Variants in COQ7 observed in about 807,000 individuals in gnomAD.
COQ7 encodes the protein coenzyme Q7, hydroxylase.
Under a neutral mutation model 25.0 loss-of-function variants are expected in COQ7, and 21 were observed. That is an observed-to-expected ratio of 0.84 (90% CI 0.60 to 1.21). COQ7 has a LOEUF of 1.21. Among genes scored for constraint, COQ7 ranks in the 50% most tolerant of loss-of-function variants. The pLI is 0.00. For synonymous variants in COQ7, 125 were observed against 112.4 expected, an observed-to-expected ratio of 1.11 and a Z score of -0.71; for missense variants, 311 against 296.2, an observed-to-expected ratio of 1.05 and a Z score of -0.37.
rs200312733 is a variant in COQ7 at position 19,075,710 on chromosome 16, A to G, written c.368-11A>G. The G allele has an allele frequency of 6.4e-7, 1 of 1,555,886 alleles. No homozygotes were observed. Among genetic ancestry groups the G allele is most frequent in the African/African-American group, 1.4e-5 (1 of 72,872 alleles). Reference sequence around the variant, plus strand: ...TCTCTTACTTTTCTGGTCTGGGTTTAACAATCCCAGGGGCGGGGACCGCCT... The same window carrying G: ...TCTCTTACTTTTCTGGTCTGGGTTTGACAATCCCAGGGGCGGGGACCGCCT... On this transcript the variant is annotated splice_polypyrimidine_tract_variant and intron_variant, in intron 3 of 5. Coordinates refer to ENST00000321998, the MANE Select transcript of COQ7 (RefSeq NM_016138.5).
chr16:19,071,725 C>CT, intron 1 of COQ7: 1 of 595,808 alleles, frequency 1.7e-6, no homozygotes, highest in South Asian at 2.0e-5. Flanking sequence ...TCTTCATACA[C>CT]TTAAAGTGAA....
chr16:19,075,866 T>C lies in COQ7; in HGVS notation c.507+6T>C. 1 of 1,614,146 alleles carries C rather than the reference T, an allele frequency of 6.2e-7. No homozygotes were observed. The highest frequency in any genetic ancestry group is 8.5e-7 in the Non-Finnish European group (1 of 1,179,998). The stretch of plus-strand genomic sequence containing the variant: ...AATACGAGGAACTTCTTCAGGTATT[T>C]ATCCGTGCTCTAGAACGGGGCTGCT... On this transcript the variant is annotated splice_donor_region_variant and intron_variant, in intron 4 of 5. Coordinates refer to ENST00000321998, the MANE Select transcript of COQ7 (RefSeq NM_016138.5).
At chr16:19,069,336 T>G (rs7192898) in intron 1 of COQ7, among the ~76,000 whole-genome samples, 84,258 of 151,514 alleles carry the variant, frequency 0.56, 25,144 homozygotes, top group East Asian at 0.81. Context: ...TATCTTATTT[T>G]ATCCTCATAA....
intron 1 of COQ7, chr16:19,071,722 A>C: frequency 1.7e-6 from 1 of 584,592 alleles, no homozygotes; most frequent in Non-Finnish European, 3.0e-6. Context: ...AGATCTTCAT[A>C]CACTTAAAGT....
intron 2 of COQ7, among the ~76,000 whole-genome samples, chr16:19,072,584 G>GT (rs1419013544): frequency 6.6e-6 from 1 of 151,820 alleles, no homozygotes; most frequent in Non-Finnish European, 1.5e-5. Context: ...TTCCATTTCC[G>GT]TATCTGCAAA....
chr16:19,081,926 G>C (rs1963106507), downstream of COQ7, among the ~76,000 whole-genome samples: 1 of 152,062 alleles, frequency 6.6e-6, no homozygotes, highest in Admixed American at 6.6e-5. Flanking sequence ...TAGAAATCTG[G>C]ATCTGGATCA....
At chr16:19,072,913 G>A (rs1046190364) in intron 2 of COQ7, among the ~76,000 whole-genome samples, 7 of 152,288 alleles carry the variant, frequency 4.6e-5, no homozygotes, top group South Asian at 2.1e-4. Flanking sequence ...GCTCACGCCT[G>A]TAATCCCAGC....
chr16:19,072,697 A>C (rs367685879), intron 2 of COQ7, among the ~76,000 whole-genome samples: 2 of 152,330 alleles, frequency 1.3e-5, no homozygotes, highest in East Asian at 3.9e-4. Context: ...TGGGCAAGCT[A>C]CTTAGCCTCT....
chr16:19,071,978 G>C lies in COQ7; in HGVS notation c.124G>C (p.Asp42His), dbSNP rs138730205. ...ATTTCGCAGTTCAGGAATGACTTTA[G>C]ACAATATCAGTCGGGCAGCTGTGGA... ...VRFRSSGMTLDNISRAAVDRI... is the reference protein window; with the variant it reads ...VRFRSSGMTLHNISRAAVDRI... Residue 42 changes from aspartate (D) to histidine (H), a missense_variant, in exon 2 of 6, where the codon GAC becomes CAC. By Grantham distance (81) the Asp-to-His change is moderately conservative (BLOSUM62 -1). Coordinates refer to ENST00000321998, the MANE Select transcript of COQ7 (RefSeq NM_016138.5). 5,076 of 1,614,224 alleles carry C rather than the reference G, an allele frequency of 3.1e-3. 85 individuals are homozygous for C. Among genetic ancestry groups the C allele is most frequent in the Admixed American group, 0.029 (1,767 of 60,022 alleles).
chr16:19,082,589 G>A (rs1490816190), downstream of COQ7, among the ~76,000 whole-genome samples: 2 of 152,050 alleles, frequency 1.3e-5, no homozygotes. Flanking sequence ...TTCAAGACCA[G>A]CCTGGCCAAG....
chr16:19,078,027 C>T (rs1378507238), intron 5 of COQ7, 54 bp from the exon 6 acceptor site: 2 of 1,430,026 alleles, frequency 1.4e-6, no homozygotes, highest in Non-Finnish European at 1.9e-6. Flanking sequence ...CTGAATCTTA[C>T]AACCGAAAAT....
At chr16:19,070,063 C>T (rs1962476621) in intron 1 of COQ7, among the ~76,000 whole-genome samples, 1 of 152,156 alleles carries the variant, frequency 6.6e-6, no homozygotes, top group Non-Finnish European at 1.5e-5. Context: ...GGATTACAGG[C>T]ATGAGCCACC....
chr16:19,072,626 G>C (rs906418841), intron 2 of COQ7, among the ~76,000 whole-genome samples: 3 of 152,142 alleles, frequency 2.0e-5, no homozygotes, highest in Non-Finnish European at 4.4e-5. Flanking sequence ...TTTGGGTAAG[G>C]AACCGGGTCT....
chr16:19,072,906 C>G (rs1962635819), intron 2 of COQ7, among the ~76,000 whole-genome samples: 1 of 152,194 alleles, frequency 6.6e-6, no homozygotes, highest in Non-Finnish European at 1.5e-5. Context: ...TGTGGTGGCT[C>G]ACGCCTGTAA....
intron 1 of COQ7, chr16:19,068,483 C>T (rs1351856422): frequency 2.5e-6 from 2 of 787,186 alleles, no homozygotes; most frequent in African/African-American, 3.8e-5. Flanking sequence ...GAAACCCCGC[C>T]TCTACTAAAA....
rs367915577 is a variant in COQ7 at position 19,075,830 on chromosome 16, G to A, written c.477G>A (p.Glu159=). 3.1e-6 allele frequency: 5 copies of A among 1,614,160 alleles called. No individual in the cohort carries two copies. Among genetic ancestry groups the A allele is most frequent in the Admixed American group, 1.7e-5 (1 of 60,024 alleles). The change falls in exon 4 of 6, where the codon GAG becomes GAA. Residue 159 remains glutamate (E), a synonymous_variant. Coordinates refer to ENST00000321998, the MANE Select transcript of COQ7 (RefSeq NM_016138.5). ...YNNQIRTLME[E]DPEKYEELLQ... The stretch of plus-strand genomic sequence containing the variant: ...ACCAGATCAGGACGCTGATGGAGGA[G>A]GACCCTGAAAAATACGAGGAACTTC...
At chr16:19,072,448 G>A (rs757884367) in intron 2 of COQ7, 7 of 233,932 alleles carry the variant, frequency 3.0e-5, no homozygotes, top group African/African-American at 4.5e-5. Flanking sequence ...GTGCCAGAGA[G>A]GTATTGTATC....
intron 3 of COQ7, among the ~76,000 whole-genome samples, chr16:19,074,610 C>T (rs530424934): frequency 9.9e-5 from 15 of 152,278 alleles, no homozygotes; most frequent in African/African-American, 3.6e-4. Context: ...GTGGTATAGT[C>T]GTAGCTCACT....
rs768368881 is a variant in COQ7 at position 19,072,101 on chromosome 16, A to G, written c.247A>G (p.Ile83Val). The part of the protein sequence containing the change: ...VLGRTSVGPV[I>V]QKMWDQEKDH... ...GGGTCGGACCAGCGTCGGGCCAGTC[A>G]TTCAGGTGGGTGCTTCTTCATCTCC... The change falls in exon 2 of 6, where the codon ATT (isoleucine) becomes GTT (valine). Residue 83 changes from isoleucine (I) to valine (V), a missense_variant. Transcript: ENST00000321998. 1 of 1,614,100 alleles carries G rather than the reference A, an allele frequency of 6.2e-7. No individual in the cohort carries two copies.
Sources: allele counts gnomAD v4.1 joint callset (sites outside exome capture counted in the v4.1 genomes callset), GRCh38; gene constraint gnomAD v4.1.1; transcripts MANE v1.5; gene names NCBI Gene and HGNC (gene_info 2026-07-23, HGNC 2026-07-21).